Variants in SGCZ observed in about 807,000 individuals in gnomAD.
The protein encoded by SGCZ is zeta-sarcoglycan.
A neutral mutation model predicts 41.3 loss-of-function variants in SGCZ; 40 were observed. The observed-to-expected ratio is 0.97, with a 90% CI of 0.75 to 1.26. SGCZ has a LOEUF of 1.26. Ranked by LOEUF, SGCZ falls within the 50% of genes most tolerant of loss-of-function variation. The pLI, the probability that SGCZ is intolerant of heterozygous loss-of-function variation, is 0.00. For synonymous variants in SGCZ, 206 were observed against 137.5 expected, an observed-to-expected ratio of 1.50 and a Z score of -3.49; for missense variants, 552 against 369.8, an observed-to-expected ratio of 1.49 and a Z score of -4.04.
chr8:14,695,098 T>A (rs1002371303), intron 1 of SGCZ, among the ~76,000 whole-genome samples: 2 of 152,014 alleles, frequency 1.3e-5, no homozygotes, highest in Middle Eastern at 3.2e-3. Flanking sequence ...CAAAGAAAAT[T>A]GATGCTGATA....
intron 4 of SGCZ, among the ~76,000 whole-genome samples, chr8:14,195,606 T>C (rs1173926487): frequency 1.3e-5 from 2 of 151,866 alleles, no homozygotes; most frequent in Non-Finnish European, 2.9e-5. Flanking sequence ...AAAAACACAA[T>C]CAAAATGCTG....
At chr8:14,530,845 C>A (rs1803106755) in intron 2 of SGCZ, among the ~76,000 whole-genome samples, 1 of 152,014 alleles carries the variant, frequency 6.6e-6, no homozygotes. Flanking sequence ...TTTAATAGTT[C>A]TTGTAGTGAT....
chr8:14,144,222 G>A (rs1803455883), intron 5 of SGCZ, among the ~76,000 whole-genome samples: 1 of 152,122 alleles, frequency 6.6e-6, no homozygotes, highest in Non-Finnish European at 1.5e-5. Context: ...GGCTCCAAAT[G>A]AGACCCCATC....
At chr8:14,755,272 G>A (rs1456220506) in intron 1 of SGCZ, among the ~76,000 whole-genome samples, 1 of 151,978 alleles carries the variant, frequency 6.6e-6, no homozygotes, top group Admixed American at 6.6e-5. Context: ...GTTTGCGGCT[G>A]TAGTTTTGTT....
intron 1 of SGCZ, among the ~76,000 whole-genome samples, chr8:14,621,663 G>C (rs1321930718): frequency 6.6e-6 from 1 of 152,048 alleles, no homozygotes; most frequent in Non-Finnish European, 1.5e-5. Flanking sequence ...GAGACTGAGA[G>C]AGAGTGAAGT....
chr8:14,305,829 G>T (rs887104567), intron 3 of SGCZ, among the ~76,000 whole-genome samples: 67 of 152,122 alleles, frequency 4.4e-4, no homozygotes, highest in African/African-American at 1.5e-3. Context: ...TAGTAAACTT[G>T]CCCCTAAGCA....
At chr8:14,608,585 C>G (rs1361297104) in intron 1 of SGCZ, among the ~76,000 whole-genome samples, 2 of 152,046 alleles carry the variant, frequency 1.3e-5, no homozygotes, top group African/African-American at 4.8e-5. Flanking sequence ...AAGGCAAGAA[C>G]TACTAAGAAT....
At chr8:14,264,391 T>C (rs887018825) in intron 3 of SGCZ, among the ~76,000 whole-genome samples, 1 of 152,126 alleles carries the variant, frequency 6.6e-6, no homozygotes. Context: ...CTGGTTACTG[T>C]GGATGGAGCA....
intron 2 of SGCZ, among the ~76,000 whole-genome samples, chr8:14,328,963 A>G (rs925745028): frequency 2.0e-5 from 3 of 152,214 alleles, no homozygotes; most frequent in African/African-American, 7.2e-5. Flanking sequence ...CACTGTGCCA[A>G]CTTGGAAGCA....
intron 1 of SGCZ, among the ~76,000 whole-genome samples, chr8:15,170,703 G>C (rs566249300): frequency 5.3e-5 from 8 of 152,142 alleles, no homozygotes; most frequent in African/African-American, 1.9e-4. Context: ...CAGAATAGTC[G>C]ATGTATTTGA....
At chr8:14,109,574 C>A (rs1410433775) in intron 5 of SGCZ, among the ~76,000 whole-genome samples, 2 of 151,994 alleles carry the variant, frequency 1.3e-5, no homozygotes, top group African/African-American at 4.8e-5. Context: ...GTATTTGAAG[C>A]ATACAAAACA....
chr8:14,120,105 G>C (rs1802653687), intron 5 of SGCZ, among the ~76,000 whole-genome samples: 1 of 152,050 alleles, frequency 6.6e-6, no homozygotes, highest in Admixed American at 6.6e-5. Flanking sequence ...TATTCCTAGG[G>C]ATAGATACCA....
At chr8:15,153,971 T>C (rs1332902770) in intron 1 of SGCZ, among the ~76,000 whole-genome samples, 2 of 152,094 alleles carry the variant, frequency 1.3e-5, no homozygotes, top group East Asian at 3.9e-4. Context: ...TAGATTCTCA[T>C]AAGGAGAATG....
At chr8:14,947,447 C>G (rs1473553395) in intron 1 of SGCZ, among the ~76,000 whole-genome samples, 1 of 152,152 alleles carries the variant, frequency 6.6e-6, no homozygotes, top group Non-Finnish European at 1.5e-5. Context: ...ACAACCTCTA[C>G]AAGACATAAA....
rs547117573 is a variant in SGCZ, at chr8:14,845,020, C to A, written c.40-290094G>T. Among the ~76,000 whole-genome samples the A allele has an allele frequency of 1.8e-4, 28 of 152,248 alleles. 1 individual carries two copies. The South Asian group carries it at 5.8e-3, about 32-fold the overall frequency. ...AGGCAGCTAGAATTTACAAGATAGACTTCAGAAGAGACAAGAGCTGCATAG... is the reference window on the plus strand; with the variant it reads ...AGGCAGCTAGAATTTACAAGATAGAATTCAGAAGAGACAAGAGCTGCATAG... On this transcript the variant is annotated intron_variant, in intron 1 of 7. Transcript: ENST00000382080.
intron 1 of SGCZ, among the ~76,000 whole-genome samples, chr8:14,676,026 G>C (rs1264530257): frequency 6.6e-6 from 1 of 152,160 alleles, no homozygotes; most frequent in Non-Finnish European, 1.5e-5. Context: ...ACGTATTTGA[G>C]AAAACTACTG....
intron 6 of SGCZ, among the ~76,000 whole-genome samples, chr8:14,106,883 T>C (rs1412964132): frequency 2.6e-5 from 4 of 152,154 alleles, no homozygotes; most frequent in Non-Finnish European, 5.9e-5. Context: ...CATAAATTAA[T>C]TATTATTAAA....
chr8:14,782,291 T>C (rs1449262530), intron 1 of SGCZ, among the ~76,000 whole-genome samples: 2 of 152,214 alleles, frequency 1.3e-5, no homozygotes, highest in African/African-American at 4.8e-5. Context: ...GAAAATCAGA[T>C]TTCAATACAG....
intron 3 of SGCZ, among the ~76,000 whole-genome samples, chr8:14,251,054 C>G (rs1420215192): frequency 6.6e-6 from 1 of 152,050 alleles, no homozygotes; most frequent in East Asian, 1.9e-4. Flanking sequence ...ATGGCGAAAC[C>G]CCGTCTCTAC....
Sources: allele counts gnomAD v4.1 joint callset (sites outside exome capture counted in the v4.1 genomes callset), GRCh38; gene constraint gnomAD v4.1.1; transcripts MANE v1.5; gene names NCBI Gene and HGNC (gene_info 2026-07-23, HGNC 2026-07-21).